The following SLIT3 variants were observed in gnomAD, a reference collection of about 807,000 sequenced individuals.
SLIT3 encodes slit homolog 3 protein.
SLIT3 carries 68 observed loss-of-function variants against 184.0 expected under a neutral mutation model. The ratio of observed to expected loss-of-function variants is 0.37; its 90% CI spans 0.30 to 0.45. The LOEUF (loss-of-function observed/expected upper bound fraction) is 0.45. SLIT3 is among the 20% of genes least tolerant of loss of function. SLIT3 has a pLI of 1.00. For synonymous variants in SLIT3, 831 were observed against 828.6 expected (o/e 1.00, Z -0.05); for missense variants, 1,707 against 2,026.0 (o/e 0.84, Z 3.02).
chr5:168,852,278 G>C (rs1338462462), intron 5 of SLIT3, among the ~76,000 whole-genome samples: 1 of 152,148 alleles, frequency 6.6e-6, no homozygotes, highest in African/African-American at 2.4e-5. Context: ...CCACATCTCT[G>C]TTTTTTTACT....
chr5:168,817,294 C>A lies in SLIT3; in HGVS notation c.793+6G>T. 2.5e-6 allele frequency: 4 copies of A among 1,613,994 alleles called. No homozygotes were observed. Among genetic ancestry groups the A allele is most frequent in the Non-Finnish European group, 3.4e-6 (4 of 1,179,936 alleles). The stretch of plus-strand genomic sequence containing the variant: ...CAGGAGGGGAGAGCAGGTAAAGCAT[C>A]CTCACCTGGGCACACGTACTCCTTC... On this transcript the variant is annotated splice_donor_region_variant and intron_variant, in intron 8 of 35. Transcript: ENST00000519560.
At chr5:169,137,798 C>T (rs985327597) in intron 4 of SLIT3, among the ~76,000 whole-genome samples, 1 of 151,844 alleles carries the variant, frequency 6.6e-6, no homozygotes, top group African/African-American at 2.4e-5. Context: ...CAGAGCCAAA[C>T]ACGCAGTCCC....
rs34080053 is a variant in SLIT3 at position 169,162,817 on chromosome 5, C to A, written c.413+30662G>T. Among the ~76,000 whole-genome samples the A allele has an allele frequency of 6.4e-3, 975 of 152,082 alleles. 9 individuals are homozygous for A. The highest frequency in any genetic ancestry group is 0.028 in the South Asian group (134 of 4,824). On this transcript the variant is annotated intron_variant, in intron 4 of 35. Transcript: ENST00000519560. ...ATGATGCCTGGCACATGGTAGGAGG[C>A]TTAGTTGCTAAATGGCCAGGGTCAT...
chr5:169,006,765 C>T (rs116390503), intron 4 of SLIT3, among the ~76,000 whole-genome samples: 5,542 of 152,280 alleles, frequency 0.036, 127 homozygotes, highest in Middle Eastern at 0.065. Flanking sequence ...AAATGAGAGA[C>T]TGCTTTACCA....
chr5:168,953,808 A>T (rs904972355), intron 4 of SLIT3, among the ~76,000 whole-genome samples: 8 of 152,160 alleles, frequency 5.3e-5, no homozygotes, highest in Non-Finnish European at 1.0e-4. Flanking sequence ...CGGCCCAGGG[A>T]ATTGGGGCAA....
chr5:168,786,705 C>A (rs1420143712), intron 11 of SLIT3, among the ~76,000 whole-genome samples: 2 of 152,076 alleles, frequency 1.3e-5, no homozygotes, highest in Non-Finnish European at 2.9e-5. Context: ...TTGGTGAGGC[C>A]TGGGGAGGAA....
chr5:169,188,741 T>C (rs1243658336), intron 4 of SLIT3, among the ~76,000 whole-genome samples: 2 of 152,226 alleles, frequency 1.3e-5, no homozygotes, highest in Non-Finnish European at 2.9e-5. Flanking sequence ...TCAATGCCAA[T>C]TATTTTCCCC....
chr5:168,699,634 C>T (rs1450854500), intron 27 of SLIT3, among the ~76,000 whole-genome samples: 1 of 152,140 alleles, frequency 6.6e-6, no homozygotes, highest in African/African-American at 2.4e-5. Context: ...ATGTTAATGT[C>T]AGGAAGGAAA....
chr5:169,107,720 C>T (rs1008142365), intron 4 of SLIT3, among the ~76,000 whole-genome samples: 1 of 152,218 alleles, frequency 6.6e-6, no homozygotes, highest in African/African-American at 2.4e-5. Flanking sequence ...AGAACAGCCA[C>T]CTGGCTCTCT....
chr5:168,703,281 GGACATGGCCA>G (rs1158891372), intron 26 of SLIT3, among the ~76,000 whole-genome samples: 15 of 123,300 alleles, frequency 1.2e-4, no homozygotes, highest in Admixed American at 2.6e-4. Flanking sequence ...TGTGTGTGTA[GGACATGGCCA>G]GGAATCCTGA....
chr5:168,752,877 G>C (rs1754763496), intron 18 of SLIT3, 78 bp downstream of exon 18: 4 of 1,404,868 alleles, frequency 2.8e-6, no homozygotes, highest in Non-Finnish European at 3.0e-6. Context: ...CTGGCTAGAG[G>C]TAGCAGGGAG....
At chr5:169,293,557 G>C (rs940869779) in intron 1 of SLIT3, among the ~76,000 whole-genome samples, 1 of 152,136 alleles carries the variant, frequency 6.6e-6, no homozygotes, top group African/African-American at 2.4e-5. Flanking sequence ...GGTGCCCTTG[G>C]TTCCAGGCAG....
At chr5:168,830,806 C>T (rs1651522635) in intron 6 of SLIT3, among the ~76,000 whole-genome samples, 1 of 152,210 alleles carries the variant, frequency 6.6e-6, no homozygotes. Flanking sequence ...TTCATCATTA[C>T]ACAAAACTGC....
At chr5:169,299,342 G>A (rs1036771555) in intron 1 of SLIT3, among the ~76,000 whole-genome samples, 2 of 152,190 alleles carry the variant, frequency 1.3e-5, no homozygotes, top group African/African-American at 2.4e-5. Flanking sequence ...GGTGATAGGA[G>A]GTGACTAGCA....
chr5:168,958,118 T>G (rs1238183564), intron 4 of SLIT3, among the ~76,000 whole-genome samples: 1 of 152,206 alleles, frequency 6.6e-6, no homozygotes, highest in Non-Finnish European at 1.5e-5. Flanking sequence ...TGAAGCATTC[T>G]TATTAACCAT....
chr5:168,719,726 C>A (rs948596687), intron 23 of SLIT3, among the ~76,000 whole-genome samples: 12 of 152,132 alleles, frequency 7.9e-5, no homozygotes, highest in African/African-American at 2.9e-4. Context: ...TTGGATGATT[C>A]TTTAACCTAA....
chr5:169,162,643 G>C (rs1030357222), intron 4 of SLIT3, among the ~76,000 whole-genome samples: 2 of 152,218 alleles, frequency 1.3e-5, no homozygotes, highest in Middle Eastern at 3.2e-3. Context: ...CGTGTTCAGA[G>C]GTTTGGGGTC....
intron 20 of SLIT3, among the ~76,000 whole-genome samples, chr5:168,747,792 G>A (rs903847119): frequency 2.6e-5 from 4 of 152,166 alleles, no homozygotes; most frequent in African/African-American, 7.2e-5. Flanking sequence ...GGGACTCAGA[G>A]CTAAGACCTC....
intron 3 of SLIT3, among the ~76,000 whole-genome samples, chr5:169,237,201 G>C (rs948013577): frequency 6.6e-6 from 1 of 152,142 alleles, no homozygotes; most frequent in Non-Finnish European, 1.5e-5. Flanking sequence ...ATTCATCACA[G>C]TCTGCATTCC....
Sources: allele counts gnomAD v4.1 joint callset (sites outside exome capture counted in the v4.1 genomes callset), GRCh38; gene constraint gnomAD v4.1.1; transcripts MANE v1.5; gene names NCBI Gene and HGNC (gene_info 2026-07-23, HGNC 2026-07-21).